The following RUFY1 variants were observed in gnomAD, a reference collection of about 807,000 sequenced individuals.
RUFY1 encodes the protein RUN and FYVE domain-containing protein 1.
Under a neutral mutation model 94.6 loss-of-function variants are expected in RUFY1, and 54 were observed. That is an observed-to-expected ratio of 0.57 (90% CI 0.46 to 0.72). RUFY1 has a LOEUF of 0.72. Among genes scored for constraint, RUFY1 ranks in the 30% least tolerant of loss-of-function variants. The pLI is 0.00. For synonymous variants in RUFY1, 396 were observed against 347.3 expected, an observed-to-expected ratio of 1.14 and a Z score of -1.56; for missense variants, 883 against 883.9, an observed-to-expected ratio of 1.00 and a Z score of 0.01.
At position 179,609,918 on chromosome 5, in the gene RUFY1, C is replaced by T. The variant is rs542479654; in HGVS notation, c.*399C>T. 5.7e-4 allele frequency: 92 copies of T among 161,936 alleles called. No individual in the cohort carries two copies. The highest frequency in any genetic ancestry group is 1.1e-3 in the Non-Finnish European group (84 of 74,510). The allele number at this position is 161,936 out of a possible 1,614,324, so 10.0% of individuals were successfully genotyped here. Reference sequence around the variant, plus strand: ...CAGCGTTTGACACACATGGAGTCTGCCAGTGTGCCTTCTCTGCTTCAGACA... The same window carrying T: ...CAGCGTTTGACACACATGGAGTCTGTCAGTGTGCCTTCTCTGCTTCAGACA... On this transcript the variant is annotated 3_prime_UTR_variant, in exon 18 of 18. Transcript: ENST00000319449.
At chr5:179,560,302 A>C in intron 2 of RUFY1, 104 bp downstream of exon 2, 1 of 1,407,650 alleles carries the variant, frequency 7.1e-7, no homozygotes, top group Non-Finnish European at 9.6e-7. Flanking sequence ...AAATGCCAGC[A>C]GTGTACAGAA....
intron 5 of RUFY1, 119 bp from the exon 6 acceptor site, chr5:179,576,956 C>T: frequency 2.8e-6 from 2 of 722,304 alleles, no homozygotes; most frequent in South Asian, 3.4e-5. Context: ...ATAGAGCTGG[C>T]TGACCTAAAT....
At chr5:179,601,817 CAAAAAAAAAAA>C (rs56169514) in intron 14 of RUFY1, 64 bp from the exon 15 acceptor site, 100,836 of 515,502 alleles carry the variant, frequency 0.2, 3,353 homozygotes, top group African/African-American at 0.25. Context: ...GACCCTGTCT[CAAAAAAAAAAA>C]AAAAAAAAAA....
At chr5:179,583,414 A>ATG (rs1366268892) in intron 7 of RUFY1, among the ~76,000 whole-genome samples, 1 of 45,918 alleles carries the variant, frequency 2.2e-5, no homozygotes, top group Non-Finnish European at 5.8e-5. Context: ...TCATATAAAT[A>ATG]TATATATATA....
intron 14 of RUFY1, chr5:179,600,143 T>C (rs140286331): frequency 2.4e-4 from 36 of 152,300 alleles, no homozygotes; most frequent in African/African-American, 7.9e-4. Context: ...GCCCCAACAA[T>C]AGGAACAAAA....
intron 17 of RUFY1, 105 bp from the exon 18 acceptor site, chr5:179,609,271 G>A (rs1767468332): frequency 1.9e-6 from 2 of 1,055,454 alleles, no homozygotes; most frequent in Non-Finnish European, 2.7e-6. Context: ...AGAAACATAA[G>A]AACCCATTCC....
At chr5:179,605,118 A>G (rs1425649070) in intron 15 of RUFY1, among the ~76,000 whole-genome samples, 1 of 152,116 alleles carries the variant, frequency 6.6e-6, no homozygotes, top group East Asian at 1.9e-4. Context: ...ACCTCTAGAA[A>G]AAATACAAAA....
intron 5 of RUFY1, 94 bp from the exon 6 acceptor site, chr5:179,576,981 A>G (rs1425272668): frequency 2.3e-6 from 2 of 881,722 alleles, no homozygotes; most frequent in African/African-American, 1.7e-5. Flanking sequence ...GTTCATAGGA[A>G]AGAGATAAGA....
At chr5:179,602,176 A>C in intron 15 of RUFY1, 190 bp downstream of exon 15, 2 of 572,712 alleles carry the variant, frequency 3.5e-6, no homozygotes, top group Non-Finnish European at 6.3e-6. Flanking sequence ...TGCTACCCAC[A>C]TGGGGTGTCA....
At chr5:179,591,883 A>G (rs533998425) in intron 10 of RUFY1, 142 bp downstream of exon 10, 23 of 523,456 alleles carry the variant, frequency 4.4e-5, no homozygotes, top group East Asian at 4.1e-4. Flanking sequence ...TTTTAAGTCT[A>G]TGGTTACAAC....
rs189193788 is a variant in RUFY1, at chr5:179,587,493, G to A, written c.1026+1628G>A. Among the ~76,000 whole-genome samples the A allele has an allele frequency of 5.0e-3, 730 of 145,804 alleles. 8 individuals carry two copies. The highest frequency in any genetic ancestry group is 0.018 in the African/African-American group (698 of 39,396). ...CCCAAGCTCCACCTCCCGGGTTCACGCCATTCTCCTGCCTCAGCCTCCCGA... is the reference window on the plus strand; with the variant it reads ...CCCAAGCTCCACCTCCCGGGTTCACACCATTCTCCTGCCTCAGCCTCCCGA... On this transcript the variant is annotated intron_variant, in intron 8 of 17. Coordinates refer to ENST00000319449, the MANE Select transcript of RUFY1 (RefSeq NM_025158.5).
intron 1 of RUFY1, among the ~76,000 whole-genome samples, chr5:179,556,586 C>T (rs1211786823): frequency 1.3e-5 from 2 of 152,076 alleles, no homozygotes; most frequent in African/African-American, 4.8e-5. Flanking sequence ...CTGCAACCTC[C>T]GCCTCCCGAG....
At chr5:179,587,677 G>A (rs917518004) in intron 8 of RUFY1, among the ~76,000 whole-genome samples, 1 of 150,880 alleles carries the variant, frequency 6.6e-6, no homozygotes, top group African/African-American at 2.4e-5. Flanking sequence ...TGGGATTACA[G>A]GCATGAGCCA....
At chr5:179,564,114 G>GT (rs1762644119) in intron 3 of RUFY1, among the ~76,000 whole-genome samples, 1 of 108,612 alleles carries the variant, frequency 9.2e-6, no homozygotes, top group Admixed American at 1.1e-4. Flanking sequence ...GCGTCCTGAT[G>GT]TTTTCTTTTT....
intron 5 of RUFY1, chr5:179,572,533 C>T (rs1763301744): frequency 4.6e-6 from 1 of 216,040 alleles, no homozygotes; most frequent in Non-Finnish European, 9.8e-6. Flanking sequence ...GCCTACCCTG[C>T]CTCTTTATCA....
Position 179,550,706 on chromosome 5 carries a change from G to C in RUFY1, c.137G>C (p.Gly46Ala). 1.3e-6 allele frequency: 2 copies of C among 1,490,276 alleles called. No homozygotes were observed. Among genetic ancestry groups the C allele is most frequent in the Non-Finnish European group, 1.8e-6 (2 of 1,125,382 alleles). The allele number at this position is 1,490,276 out of a possible 1,614,324, so 92.3% of individuals were successfully genotyped here. The change falls in exon 1 of 18, where the codon GGC becomes GCC. Residue 46 changes from glycine (G) to alanine (A), a missense_variant. By Grantham distance (60) the Gly-to-Ala change is moderately conservative. Coordinates refer to ENST00000319449, the MANE Select transcript of RUFY1 (RefSeq NM_025158.5). ...FEIVDRSQLP[G>A]PGDLRSATRP... ...ATCGTGGACCGAAGCCAGCTGCCCG[G>C]CCCAGGCGACCTGCGGAGCGCAACG...
chr5:179,595,696 T>A (rs538803513), intron 12 of RUFY1, among the ~76,000 whole-genome samples: 1 of 152,096 alleles, frequency 6.6e-6, no homozygotes, highest in South Asian at 2.1e-4. Flanking sequence ...GGATTACAGG[T>A]GCCTGCCACC....
chr5:179,575,336 G>A (rs531721074), intron 5 of RUFY1, among the ~76,000 whole-genome samples: 33 of 152,184 alleles, frequency 2.2e-4, no homozygotes, highest in African/African-American at 7.7e-4. Flanking sequence ...CTGAAGACTT[G>A]CTCTCTCCTC....
chr5:179,591,391 A>G (rs188244070), intron 9 of RUFY1, among the ~76,000 whole-genome samples: 48 of 149,304 alleles, frequency 3.2e-4, no homozygotes, highest in East Asian at 2.2e-3. Flanking sequence ...TCACCATGTT[A>G]GCCAGGATGG....
Sources: allele counts gnomAD v4.1 joint callset (sites outside exome capture counted in the v4.1 genomes callset), GRCh38; gene constraint gnomAD v4.1.1; transcripts MANE v1.5; gene names NCBI Gene and HGNC (gene_info 2026-07-23, HGNC 2026-07-21).